The following MAGI2 variants were observed in gnomAD, a reference collection of about 807,000 sequenced individuals.
The protein encoded by MAGI2 is membrane-associated guanylate kinase, WW and PDZ domain-containing protein 2.
In MAGI2, 35 loss-of-function variants were observed where a neutral mutation model predicts 133.3. The ratio of observed to expected loss-of-function variants is 0.26; its 90% CI spans 0.20 to 0.35. The LOEUF (loss-of-function observed/expected upper bound fraction) is 0.35. Among genes scored for constraint, MAGI2 ranks in the 10% least tolerant of loss-of-function variants. The pLI, the probability that MAGI2 is intolerant of heterozygous loss-of-function variation, is 1.00. For missense variants in MAGI2, 1,636 were observed against 1,863.4 expected (o/e 0.88, Z 2.25); for synonymous variants, 729 against 710.6 (o/e 1.03, Z -0.41).
chr7:78,729,905 A>C (rs1250432843), intron 2 of MAGI2, among the ~76,000 whole-genome samples: 1 of 152,226 alleles, frequency 6.6e-6, no homozygotes, highest in East Asian at 1.9e-4. Flanking sequence ...TCAGTCTACT[A>C]TGAGTAAGCT....
chr7:78,285,232 T>A (rs1796024881), intron 9 of MAGI2, among the ~76,000 whole-genome samples: 1 of 152,088 alleles, frequency 6.6e-6, no homozygotes, highest in African/African-American at 2.4e-5. Context: ...ACAATCTAGG[T>A]TACGCATCCA....
intron 2 of MAGI2, among the ~76,000 whole-genome samples, chr7:78,894,287 A>G (rs1296147340): frequency 6.6e-6 from 1 of 152,164 alleles, no homozygotes; most frequent in Admixed American, 6.5e-5. Context: ...CTGTAGTCCC[A>G]GCTACTCCGG....
intron 6 of MAGI2, among the ~76,000 whole-genome samples, chr7:78,403,001 C>CT (rs913422596): frequency 1.6e-4 from 25 of 151,904 alleles, no homozygotes; most frequent in African/African-American, 4.1e-4. Flanking sequence ...ATCAAATTAA[C>CT]TTTTTTTTTA....
intron 20 of MAGI2, among the ~76,000 whole-genome samples, chr7:78,124,419 T>C (rs146018930): frequency 1.3e-5 from 2 of 152,240 alleles, no homozygotes; most frequent in Non-Finnish European, 2.9e-5. Context: ...TGTCAAAGGA[T>C]TGTGGTAGTG....
intron 1 of MAGI2, among the ~76,000 whole-genome samples, chr7:79,082,329 A>G (rs147131122): frequency 6.6e-6 from 1 of 152,194 alleles, no homozygotes; most frequent in Non-Finnish European, 1.5e-5. Flanking sequence ...CTATGTTTCC[A>G]TTTAAGTGTT....
chr7:78,791,262 A>G (rs1000144405), intron 2 of MAGI2, among the ~76,000 whole-genome samples: 7 of 152,206 alleles, frequency 4.6e-5, no homozygotes, highest in African/African-American at 1.7e-4. Context: ...TAATAAAGAA[A>G]TGCAAATCAA....
intron 1 of MAGI2, among the ~76,000 whole-genome samples, chr7:79,067,925 T>A (rs920888753): frequency 6.6e-6 from 1 of 152,216 alleles, no homozygotes; most frequent in Admixed American, 6.5e-5. Flanking sequence ...TTGCATATTT[T>A]GAACCAGGCT....
intron 6 of MAGI2, among the ~76,000 whole-genome samples, chr7:78,457,637 A>T (rs1789462346): frequency 6.6e-6 from 1 of 152,202 alleles, no homozygotes. Context: ...GGAGAGAAAA[A>T]GACCAACACT....
intron 9 of MAGI2, among the ~76,000 whole-genome samples, chr7:78,330,807 T>A (rs933472286): frequency 6.6e-6 from 1 of 152,126 alleles, no homozygotes; most frequent in African/African-American, 2.4e-5. Flanking sequence ...CAAATAAGAA[T>A]TTCCAATTCA....
At chr7:79,373,063 G>T (rs1413537377) in intron 1 of MAGI2, among the ~76,000 whole-genome samples, 1 of 152,010 alleles carries the variant, frequency 6.6e-6, no homozygotes. Context: ...ACAGGAGAGA[G>T]TAATTTTTGG....
At chr7:78,436,725 A>G (rs1433166504) in intron 6 of MAGI2, among the ~76,000 whole-genome samples, 10 of 152,090 alleles carry the variant, frequency 6.6e-5, no homozygotes, top group African/African-American at 2.4e-4. Context: ...CCCTCTCTAT[A>G]TGCAACACCT....
chr7:78,192,545 ACT>A (rs1464720241), intron 12 of MAGI2, among the ~76,000 whole-genome samples: 1 of 145,676 alleles, frequency 6.9e-6, no homozygotes, highest in African/African-American at 2.5e-5. Context: ...TTTTTAAGAC[ACT>A]CACATATCCA....
chr7:78,078,684 G>T, intron 21 of MAGI2: 1 of 569,272 alleles, frequency 1.8e-6, no homozygotes. Context: ...CAGATGCCCT[G>T]AAAGGTCCTA....
At chr7:78,022,118 A>C (rs1185941091) in intron 21 of MAGI2, among the ~76,000 whole-genome samples, 1 of 152,222 alleles carries the variant, frequency 6.6e-6, no homozygotes, top group Non-Finnish European at 1.5e-5. Flanking sequence ...GAAATCCTCA[A>C]AGGCAAATAT....
In MAGI2 at chr7:78,078,981, C is replaced by A; in HGVS notation, c.3672G>T (p.Leu1224=). ...IKSGGRRVRL[L]LKRGTGQVPE... is the part of the protein sequence containing the mutation. ...GGACCTGTCCCGTGCCTCTCTTGAG[C>A]AGCAGCCTCACTCGTCTTCCTCCAG... Residue 1224 remains leucine (L), a synonymous_variant, in exon 21 of 22, where the codon CTG becomes CTT. Transcript: ENST00000354212. The A allele has an allele frequency of 6.2e-7, 1 of 1,613,824 alleles. No individual in the cohort carries two copies.
intron 6 of MAGI2, among the ~76,000 whole-genome samples, chr7:78,388,586 G>T (rs1298849221): frequency 1.3e-5 from 2 of 152,106 alleles, no homozygotes; most frequent in Non-Finnish European, 2.9e-5. Flanking sequence ...AAGGGGTTGG[G>T]ATAAAGAGAC....
chr7:78,994,592 G>A (rs1806103621), intron 2 of MAGI2, among the ~76,000 whole-genome samples: 1 of 152,098 alleles, frequency 6.6e-6, no homozygotes, highest in Non-Finnish European at 1.5e-5. Context: ...CAGACCTATA[G>A]TGACTAAGGA....
chr7:79,291,026 T>C (rs1212246622), intron 1 of MAGI2, among the ~76,000 whole-genome samples: 1 of 152,060 alleles, frequency 6.6e-6, no homozygotes, highest in Non-Finnish European at 1.5e-5. Flanking sequence ...TTATAAAATA[T>C]TTTCACCACC....
At chr7:79,120,454 A>C (rs560737107) in intron 1 of MAGI2, among the ~76,000 whole-genome samples, 1 of 152,176 alleles carries the variant, frequency 6.6e-6, no homozygotes, top group African/African-American at 2.4e-5. Context: ...TGATTCACAC[A>C]ATGTAAACAT....
Sources: allele counts gnomAD v4.1 joint callset (sites outside exome capture counted in the v4.1 genomes callset), GRCh38; gene constraint gnomAD v4.1.1; transcripts MANE v1.5; gene names NCBI Gene and HGNC (gene_info 2026-07-23, HGNC 2026-07-21).